ZNF423: variants seen among roughly 807,000 people sequenced by gnomAD.
The protein encoded by ZNF423 is Ebf-associated zinc finger protein.
ZNF423 carries 12 observed loss-of-function variants against 95.8 expected under a neutral mutation model. The ratio of observed to expected loss-of-function variants is 0.13; its 90% CI spans 0.08 to 0.20. The LOEUF is 0.20. Ranked by LOEUF, ZNF423 falls within the 10% of genes least tolerant of loss-of-function variation. The probability of loss-of-function intolerance (pLI) is 1.00; values close to 1 mark genes in which losing one functional copy is unlikely to be tolerated. For synonymous variants in ZNF423, 749 were observed against 711.9 expected (o/e 1.05, Z -0.83); for missense variants, 1,316 against 1,737.1 (o/e 0.76, Z 4.31).
intron 1 of ZNF423, among the ~76,000 whole-genome samples, chr16:49,815,899 T>TACAC (rs1322931143): frequency 0.01 from 516 of 49,474 alleles, 23 homozygotes; most frequent in African/African-American, 0.042. Context: ...TATATATATA[T>TACAC]ATATATATAT....
chr16:49,673,939 G>T (rs574334822), intron 3 of ZNF423, among the ~76,000 whole-genome samples: 1 of 152,292 alleles, frequency 6.6e-6, no homozygotes, highest in Admixed American at 6.5e-5. Flanking sequence ...CTCAGTTCTG[G>T]CAGGGTGATC....
chr16:49,493,168 A>T (rs576659864), intron 7 of ZNF423, among the ~76,000 whole-genome samples: 1 of 151,970 alleles, frequency 6.6e-6, no homozygotes, highest in East Asian at 1.9e-4. Flanking sequence ...TCCTGTGGGG[A>T]GCCGAATCCA....
intron 1 of ZNF423, among the ~76,000 whole-genome samples, chr16:49,825,683 G>A (rs1345964884): frequency 6.6e-6 from 1 of 152,136 alleles, no homozygotes; most frequent in Non-Finnish European, 1.5e-5. Context: ...AAGCTAATTG[G>A]AATCTAGATT....
intron 5 of ZNF423, among the ~76,000 whole-genome samples, chr16:49,557,575 C>G (rs2151763195): frequency 6.6e-6 from 1 of 152,334 alleles, no homozygotes; most frequent in East Asian, 1.9e-4. Context: ...GCTGCAGGCC[C>G]CTGATATTGG....
intron 6 of ZNF423, among the ~76,000 whole-genome samples, chr16:49,524,412 C>T (rs546261528): frequency 1.3e-5 from 2 of 152,162 alleles, no homozygotes; most frequent in Non-Finnish European, 2.9e-5. Context: ...CAGCTGGGGC[C>T]CTTCAGTGCC....
chr16:49,703,224 A>G lies in ZNF423; in HGVS notation c.301+27547T>C, dbSNP rs567237059. 1.3e-3 allele frequency among the ~76,000 whole-genome samples: 194 copies of G among 152,330 alleles called. 2 individuals carry two copies. Among genetic ancestry groups the G allele is most frequent in the African/African-American group, 4.5e-3 (189 of 41,588 alleles). On this transcript the variant is annotated intron_variant, in intron 3 of 7. Transcript: ENST00000563137. ...GAACACACAAAGAAATCTCCTTTAG[A>G]AATTTCTTTCTTGAAAACATTTATT...
intron 3 of ZNF423, among the ~76,000 whole-genome samples, chr16:49,646,785 G>A (rs556935923): frequency 1.1e-4 from 16 of 152,098 alleles, no homozygotes; most frequent in African/African-American, 3.9e-4. Context: ...TCTTAGTCAG[G>A]CTGGTCTTGA....
chr16:49,559,557 A>C (rs924986957), intron 5 of ZNF423, among the ~76,000 whole-genome samples: 5 of 152,194 alleles, frequency 3.3e-5, no homozygotes, highest in African/African-American at 1.2e-4. Flanking sequence ...CAAGAGGATG[A>C]ATCTTCCCCC....
intron 1 of ZNF423, among the ~76,000 whole-genome samples, chr16:49,820,646 C>T (rs1057286410): frequency 2.6e-5 from 4 of 152,120 alleles, no homozygotes; most frequent in African/African-American, 7.2e-5. Context: ...CCCTTGCATT[C>T]GTGTGTCAGG....
chr16:49,836,989 G>T (rs974523611), intron 1 of ZNF423, among the ~76,000 whole-genome samples: 1 of 152,196 alleles, frequency 6.6e-6, no homozygotes, highest in African/African-American at 2.4e-5. Context: ...TCAGAATAAA[G>T]CCCACTCAGA....
intron 1 of ZNF423, among the ~76,000 whole-genome samples, chr16:49,807,591 G>T (rs2034685523): frequency 6.6e-6 from 1 of 152,136 alleles, no homozygotes; most frequent in Non-Finnish European, 1.5e-5. Flanking sequence ...TGTCTGATTT[G>T]GGAGGGGGAC....
intron 3 of ZNF423, among the ~76,000 whole-genome samples, chr16:49,724,620 CGGCCGACAGCACA>C (rs2032957967): frequency 1.3e-5 from 2 of 152,216 alleles, no homozygotes; most frequent in South Asian, 4.1e-4. Flanking sequence ...GCTGGCCAGC[CGGCCGACAGCACA>C]CGGCTGGCAA....
At chr16:49,700,365 C>T (rs2032138101) in intron 3 of ZNF423, among the ~76,000 whole-genome samples, 1 of 152,202 alleles carries the variant, frequency 6.6e-6, no homozygotes, top group African/African-American at 2.4e-5. Flanking sequence ...TCTCCAAGCC[C>T]CTGCTGAAGC....
chr16:49,497,219 C>T (rs1184359424), intron 7 of ZNF423, among the ~76,000 whole-genome samples: 7 of 151,090 alleles, frequency 4.6e-5, no homozygotes, highest in African/African-American at 9.8e-5. Flanking sequence ...ATCCATCCGC[C>T]CATCTATTCA....
intron 1 of ZNF423, among the ~76,000 whole-genome samples, chr16:49,836,628 T>A (rs1306035920): frequency 6.6e-6 from 1 of 151,970 alleles, no homozygotes; most frequent in Non-Finnish European, 1.5e-5. Flanking sequence ...GCGAACATAA[T>A]GGTACCAACC....
At chr16:49,614,639 ATCAATG>A (rs1971818998) in intron 5 of ZNF423, among the ~76,000 whole-genome samples, 1 of 152,220 alleles carries the variant, frequency 6.6e-6, no homozygotes, top group Non-Finnish European at 1.5e-5. Flanking sequence ...GCTTGACTGT[ATCAATG>A]TCAATATCCT....
intron 5 of ZNF423, among the ~76,000 whole-genome samples, chr16:49,570,186 G>A (rs1476697841): frequency 6.6e-6 from 1 of 152,206 alleles, no homozygotes; most frequent in African/African-American, 2.4e-5. Context: ...CTGACTGACG[G>A]AGCATAAATC....
At chr16:49,657,744 G>A (rs1366162649) in intron 3 of ZNF423, among the ~76,000 whole-genome samples, 1 of 152,226 alleles carries the variant, frequency 6.6e-6, no homozygotes, top group South Asian at 2.1e-4. Flanking sequence ...CTTCCTGGGA[G>A]TGCCTCCTCG....
chr16:49,533,648 G>C (rs1968940441), intron 5 of ZNF423, among the ~76,000 whole-genome samples: 1 of 152,218 alleles, frequency 6.6e-6, no homozygotes, highest in East Asian at 1.9e-4. Flanking sequence ...CCCCCGACTA[G>C]CCCTTGTTTC....
Sources: gnomAD v4.1 joint callset for allele counts (sites outside exome capture counted in the v4.1 genomes callset) on GRCh38, gnomAD v4.1.1 for gene constraint, MANE v1.5 for transcripts, NCBI Gene and HGNC (gene_info 2026-07-23, HGNC 2026-07-21) for gene names.